Variants in ABCA12 observed in about 807,000 individuals in gnomAD.
ABCA12 encodes ATP binding cassette subfamily A member 12, also known as glucosylceramide transporter ABCA12.
In ABCA12, 156 loss-of-function variants were observed where a neutral mutation model predicts 293.5. The observed-to-expected ratio is 0.53, with a 90% CI of 0.47 to 0.61. The LOEUF (loss-of-function observed/expected upper bound fraction) is 0.61, where lower values mean the gene tolerates loss of function less well. Ranked by LOEUF, ABCA12 falls within the 20% of genes least tolerant of loss-of-function variation. The pLI is 0.00. For missense variants in ABCA12, 2,797 were observed against 3,090.2 expected, an observed-to-expected ratio of 0.91 and a Z score of 2.25; for synonymous variants, 1,063 against 1,108.0, an observed-to-expected ratio of 0.96 and a Z score of 0.81.
intron 2 of ABCA12, among the ~76,000 whole-genome samples, chr2:215,091,435 T>C (rs867826497): frequency 2.0e-5 from 3 of 152,204 alleles, no homozygotes; most frequent in South Asian, 4.1e-4. Context: ...TGCTCCTTTT[T>C]CTTTAGCCGA....
intron 2 of ABCA12, among the ~76,000 whole-genome samples, chr2:215,093,292 G>C (rs1702185745): frequency 6.6e-6 from 1 of 152,110 alleles, no homozygotes; most frequent in Non-Finnish European, 1.5e-5. Flanking sequence ...CCTAGGCATG[G>C]TTAGGTACTT....
chr2:214,943,067 G>C (rs374619909), intron 49 of ABCA12, 50 bp from the exon 50 acceptor site: 49 of 1,457,138 alleles, frequency 3.4e-5, no homozygotes, highest in Non-Finnish European at 4.7e-5. Flanking sequence ...AGAAAACTTG[G>C]GTTGAAGTTC....
At chr2:215,102,136 T>C (rs917268220) in intron 2 of ABCA12, among the ~76,000 whole-genome samples, 3 of 152,232 alleles carry the variant, frequency 2.0e-5, no homozygotes, top group Non-Finnish European at 2.9e-5. Flanking sequence ...TGGTTCTCTT[T>C]AGAGGTTGAG....
At chr2:214,976,182 T>G (rs1317567452) in intron 33 of ABCA12, 145 bp from the exon 34 acceptor site, 5 of 1,183,810 alleles carry the variant, frequency 4.2e-6, no homozygotes, top group Non-Finnish European at 4.8e-6. Context: ...CAATGTTATT[T>G]CTCAGCCTTA....
At chr2:214,987,172 G>A (rs1699806712) in intron 27 of ABCA12, among the ~76,000 whole-genome samples, 1 of 152,078 alleles carries the variant, frequency 6.6e-6, no homozygotes, top group African/African-American at 2.4e-5. Flanking sequence ...ACCTCCTTCA[G>A]GCATCACAAA....
At chr2:214,982,648 A>T (rs1396604814) in intron 29 of ABCA12, among the ~76,000 whole-genome samples, 1 of 152,206 alleles carries the variant, frequency 6.6e-6, no homozygotes. Flanking sequence ...AAAAACACAA[A>T]GGAATATATA....
intron 39 of ABCA12, chr2:214,963,136 T>G (rs1441989131): frequency 6.6e-6 from 1 of 152,012 alleles, no homozygotes; most frequent in Non-Finnish European, 1.5e-5. Flanking sequence ...CAGGAGCTGT[T>G]TTTTGAAAAA....
chr2:214,950,040 GA>G (rs965568647), intron 45 of ABCA12, among the ~76,000 whole-genome samples: 4 of 152,128 alleles, frequency 2.6e-5, no homozygotes, highest in South Asian at 4.1e-4. Flanking sequence ...TATTCAGGGG[GA>G]AAAAATCATC....
In ABCA12 at chr2:215,118,231, G is replaced by A. The variant is rs189471808; in HGVS notation, c.70-6541C>T. Among the ~76,000 whole-genome samples the A allele has an allele frequency of 2.7e-3, 413 of 152,044 alleles. 3 individuals are homozygous for A. Among genetic ancestry groups the A allele is most frequent in the African/African-American group, 9.6e-3 (398 of 41,484 alleles). ...AGCCTGGCCAACATGGTGAAAACCC[G>A]TCTCTACTAAAAATACAAAAATTAG... On this transcript the variant is annotated intron_variant, in intron 1 of 52. Transcript: ENST00000272895.
intron 5 of ABCA12, among the ~76,000 whole-genome samples, chr2:215,051,455 TA>T (rs1202228590): frequency 6.6e-6 from 1 of 152,144 alleles, no homozygotes. Flanking sequence ...ATGCCTCAGT[TA>T]AACAGAGTAT....
chr2:214,981,995 A>G (rs1404560392), intron 30 of ABCA12, among the ~76,000 whole-genome samples, 192 bp downstream of exon 30: 1 of 137,452 alleles, frequency 7.3e-6, no homozygotes, highest in Non-Finnish European at 1.5e-5. Context: ...TTTTATTATT[A>G]TTGACAGCGT....
chr2:215,025,213 A>C (rs1483316893), intron 11 of ABCA12: 1 of 154,030 alleles, frequency 6.5e-6, no homozygotes, highest in African/African-American at 2.4e-5. Context: ...ATAAATGTGC[A>C]TACTCTAATT....
chr2:215,052,392 G>A lies in ABCA12; in HGVS notation c.507+95C>T, dbSNP rs1701336579. The A allele has an allele frequency of 1.6e-5, 16 of 1,023,174 alleles. No homozygotes were observed. In the South Asian group the frequency reaches 1.9e-4, roughly 12 times the overall value. 63.4% of individuals were successfully genotyped at this position (1,023,174 alleles called of 1,614,324 possible). A position where few individuals can be genotyped will look rare whatever the true frequency, so the allele number is the denominator to read the frequency against. On this transcript the variant is annotated intron_variant, in intron 5 of 52. Transcript: ENST00000272895. ...TGAGATATTACCCTAAATAGGAAAG[G>A]TGCTCCAAACATCTTGCTATTTGAG...
chr2:215,133,569 G>A (rs1703111419), intron 1 of ABCA12, among the ~76,000 whole-genome samples: 1 of 151,808 alleles, frequency 6.6e-6, no homozygotes, highest in African/African-American at 2.4e-5. Context: ...CCTTCCTATT[G>A]CTAACCATCT....
rs1050854534 is a variant in ABCA12 at position 215,019,793 on chromosome 2, A to C, written c.1291T>G (p.Ser431Ala). ...AGTTCGGTCAAGTTTCGAAGTTGAGACAGCTTTCCAAAAAGGGAAAAGAGT... is the reference window on the plus strand; with the variant it reads ...AGTTCGGTCAAGTTTCGAAGTTGAGCCAGCTTTCCAAAAAGGGAAAAGAGT... ...PVPEVLKSKL[S>A]QLRNLTELLC... The change falls in exon 12 of 53, where the codon TCT becomes GCT. Residue 431 changes from serine (S) to alanine (A), a missense_variant. Physicochemically the swap from Ser to Ala is moderately conservative, Grantham distance 99. Coordinates refer to ENST00000272895, the MANE Select transcript of ABCA12 (RefSeq NM_173076.3). The C allele has an allele frequency of 6.2e-6, 10 of 1,611,040 alleles. No homozygotes were observed. Among genetic ancestry groups the C allele is most frequent in the Non-Finnish European group, 6.8e-6 (8 of 1,179,998 alleles).
intron 28 of ABCA12, among the ~76,000 whole-genome samples, chr2:214,985,720 A>T (rs1699770326): frequency 6.6e-6 from 1 of 152,162 alleles, no homozygotes; most frequent in South Asian, 2.1e-4. Context: ...GTGTTTTTGC[A>T]GTCACTGAGC....
At chr2:214,971,662 T>C (rs980104948) in intron 36 of ABCA12, among the ~76,000 whole-genome samples, 8 of 152,232 alleles carry the variant, frequency 5.3e-5, no homozygotes, top group African/African-American at 1.9e-4. Flanking sequence ...TTATGTATGG[T>C]GGTCGATCAA....
intron 28 of ABCA12, among the ~76,000 whole-genome samples, chr2:214,985,736 C>G (rs377716591): frequency 6.6e-6 from 1 of 152,120 alleles, no homozygotes; most frequent in Non-Finnish European, 1.5e-5. Flanking sequence ...TGAGCTGATT[C>G]GTGATGATAC....
chr2:214,969,143 A>T (rs2105950385), intron 37 of ABCA12, among the ~76,000 whole-genome samples: 1 of 152,130 alleles, frequency 6.6e-6, no homozygotes. Context: ...GTACTCAAAT[A>T]TTCCTTTTAG....
Sources: allele counts gnomAD v4.1 joint callset (sites outside exome capture counted in the v4.1 genomes callset), GRCh38; gene constraint gnomAD v4.1.1; transcripts MANE v1.5; gene names NCBI Gene and HGNC (gene_info 2026-07-23, HGNC 2026-07-21).